Variants in TRDN observed in about 807,000 individuals in gnomAD.
The protein encoded by TRDN is triadin in skeletal muscle.
A neutral mutation model predicts 149.7 loss-of-function variants in TRDN; 161 were observed. That is an observed-to-expected ratio of 1.08 (90% confidence interval 0.95 to 1.23). The LOEUF (loss-of-function observed/expected upper bound fraction) is 1.23, where lower values mean the gene tolerates loss of function less well. Ranked by LOEUF, TRDN falls within the 50% of genes most tolerant of loss-of-function variation. The pLI, the probability that TRDN is intolerant of heterozygous loss-of-function variation, is 0.00. For missense variants in TRDN, 896 were observed against 823.5 expected (o/e 1.09, Z -1.08); for synonymous variants, 294 against 250.5 (o/e 1.17, Z -1.64).
At chr6:123,353,405 A>C (rs1237708286) in intron 20 of TRDN, among the ~76,000 whole-genome samples, 1 of 151,888 alleles carries the variant, frequency 6.6e-6, no homozygotes, top group African/African-American at 2.4e-5. Flanking sequence ...TCATATCAGG[A>C]CATCCAGACA....
intron 21 of TRDN, chr6:123,350,635 AT>A (rs1406146994): frequency 1.3e-6 from 1 of 761,770 alleles, no homozygotes; most frequent in Admixed American, 6.3e-5. Context: ...CAAAATATCT[AT>A]TTTTTGTATC....
intron 5 of TRDN, chr6:123,529,495 A>G (rs762727391): frequency 7.6e-5 from 60 of 792,686 alleles, no homozygotes; most frequent in Non-Finnish European, 1.2e-4. Flanking sequence ...GCCCTTCCCA[A>G]AAAGAAAGCA....
intron 16 of TRDN, 150 bp from the exon 17 acceptor site, chr6:123,378,048 T>C (rs1288264452): frequency 3.9e-6 from 2 of 512,048 alleles, no homozygotes; most frequent in Non-Finnish European, 3.3e-6. Flanking sequence ...GCTAAGATTA[T>C]ATACTTAAAA....
At position 123,259,632 on chromosome 6, in the gene TRDN, T is replaced by C. The variant is rs1211286909; in HGVS notation, c.1862A>G (p.Glu621Gly). Reference sequence around the variant, plus strand: ...TAAAATGTCATTTTTACCTTTACTTTCTTTTTCAGATATTTCAGTTTTCTT... The same window carrying C: ...TAAAATGTCATTTTTACCTTTACTTCCTTTTTCAGATATTTCAGTTTTCTT... Reference protein sequence around the residue: ...GKKKTEISEKESKEKADMKHL... With the variant: ...GKKKTEISEKGSKEKADMKHL... The change falls in exon 35 of 41, where the codon GAA becomes GGA. Residue 621 changes from glutamate to glycine, a missense_variant. Physicochemically the swap from Glu to Gly is moderately conservative, Grantham distance 98. Transcript: ENST00000334268. 5.4e-6 allele frequency: 8 copies of C among 1,477,924 alleles called. No homozygotes were observed. The highest frequency in any genetic ancestry group is 1.3e-5 in the South Asian group (1 of 78,850). The allele number at this position is 1,477,924 out of a possible 1,614,324, so 91.6% of individuals were successfully genotyped here. A position where few individuals can be genotyped will look rare whatever the true frequency, so the allele number is the denominator to read the frequency against.
intron 22 of TRDN, among the ~76,000 whole-genome samples, chr6:123,337,363 T>TA (rs923532943): frequency 2.6e-5 from 4 of 151,970 alleles, no homozygotes; most frequent in Non-Finnish European, 4.4e-5. Flanking sequence ...TCTTTTTCAT[T>TA]AAAAAAACCT....
chr6:123,223,892 G>T (rs1239866737), intron 39 of TRDN, among the ~76,000 whole-genome samples: 1 of 151,344 alleles, frequency 6.6e-6, no homozygotes, highest in Non-Finnish European at 1.5e-5. Context: ...CCCAACTAGT[G>T]TTTTTAATAT....
chr6:123,483,004 G>A (rs1777813078), intron 9 of TRDN, among the ~76,000 whole-genome samples: 1 of 151,358 alleles, frequency 6.6e-6, no homozygotes, highest in South Asian at 2.1e-4. Context: ...GAACACAGTG[G>A]TACAGATCAC....
intron 12 of TRDN, among the ~76,000 whole-genome samples, chr6:123,394,924 T>A (rs902358752): frequency 6.6e-6 from 1 of 152,062 alleles, no homozygotes; most frequent in Non-Finnish European, 1.5e-5. Flanking sequence ...GACTAAATGG[T>A]CTCAATTAGT....
At chr6:123,297,092 C>T (rs1024866208) in intron 24 of TRDN, among the ~76,000 whole-genome samples, 1 of 151,944 alleles carries the variant, frequency 6.6e-6, no homozygotes, top group Non-Finnish European at 1.5e-5. Context: ...GTTGATATGC[C>T]TTTTTCATCC....
intron 35 of TRDN, among the ~76,000 whole-genome samples, chr6:123,257,658 A>C (rs1776609721): frequency 6.6e-6 from 1 of 152,118 alleles, no homozygotes; most frequent in Non-Finnish European, 1.5e-5. Context: ...AATTTAAAGT[A>C]GTTTTTTCTA....
intron 23 of TRDN, among the ~76,000 whole-genome samples, chr6:123,322,572 G>A (rs546675329): frequency 8.6e-5 from 13 of 150,888 alleles, no homozygotes; most frequent in African/African-American, 2.4e-4. Flanking sequence ...GAGCATTGGC[G>A]AACACTTCAC....
intron 1 of TRDN, among the ~76,000 whole-genome samples, chr6:123,625,435 T>C (rs1785609992): frequency 1.3e-5 from 2 of 152,140 alleles, no homozygotes; most frequent in African/African-American, 4.8e-5. Flanking sequence ...CATTATGTCT[T>C]AAAAAGCAGT....
chr6:123,469,334 C>A (rs1275817678), intron 9 of TRDN, among the ~76,000 whole-genome samples: 1 of 152,142 alleles, frequency 6.6e-6, no homozygotes, highest in Non-Finnish European at 1.5e-5. Flanking sequence ...CTGTCTTGTA[C>A]TTTTGGACCA....
At chr6:123,361,148 G>T (rs1342214142) in intron 20 of TRDN, among the ~76,000 whole-genome samples, 1 of 152,120 alleles carries the variant, frequency 6.6e-6, no homozygotes, top group East Asian at 1.9e-4. Context: ...GATCCTTGAG[G>T]AATTGCCACA....
At chr6:123,585,805 G>C (rs1405358681) in intron 1 of TRDN, among the ~76,000 whole-genome samples, 1 of 152,102 alleles carries the variant, frequency 6.6e-6, no homozygotes, top group Admixed American at 6.6e-5. Context: ...TGTGGTTCAG[G>C]CATTTGGAAG....
At chr6:123,591,685 TAG>T (rs1159633909) in intron 1 of TRDN, among the ~76,000 whole-genome samples, 1 of 152,184 alleles carries the variant, frequency 6.6e-6, no homozygotes, top group Non-Finnish European at 1.5e-5. Context: ...CCTGAAAATT[TAG>T]AGAGATAAGG....
At chr6:123,602,056 G>T (rs2114651416) in intron 1 of TRDN, among the ~76,000 whole-genome samples, 1 of 152,206 alleles carries the variant, frequency 6.6e-6, no homozygotes, top group African/African-American at 2.4e-5. Context: ...GTAACTATAT[G>T]TCAGGCACCA....
At chr6:123,351,096 C>T (rs886929527) in intron 21 of TRDN, 2 of 984,822 alleles carry the variant, frequency 2.0e-6, no homozygotes, top group African/African-American at 3.5e-5. Flanking sequence ...TGAAAACAAC[C>T]TATGAATATC....
intron 12 of TRDN, among the ~76,000 whole-genome samples, chr6:123,421,845 A>G (rs1315159411): frequency 6.8e-6 from 1 of 146,950 alleles, no homozygotes; most frequent in Non-Finnish European, 1.5e-5. Context: ...GTGGCGGCCC[A>G]CTCCTCTAGT....
Sources: allele counts gnomAD v4.1 joint callset (sites outside exome capture counted in the v4.1 genomes callset), GRCh38; gene constraint gnomAD v4.1.1; transcripts MANE v1.5; gene names NCBI Gene and HGNC (gene_info 2026-07-23, HGNC 2026-07-21).